CNTN5: variants seen among roughly 807,000 people sequenced by gnomAD.
The protein encoded by CNTN5 is contactin 5, also known as contactin-5.
Under a neutral mutation model 129.1 loss-of-function variants are expected in CNTN5, and 77 were observed. That is an observed-to-expected ratio of 0.60 (90% CI 0.50 to 0.72). The LOEUF (loss-of-function observed/expected upper bound fraction) is 0.72, where lower values mean the gene tolerates loss of function less well. Ranked by LOEUF, CNTN5 falls within the 30% of genes least tolerant of loss-of-function variation. CNTN5 has a pLI of 0.00. For synonymous variants in CNTN5, 509 were observed against 465.6 expected, an observed-to-expected ratio of 1.09 and a Z score of -1.20; for missense variants, 1,478 against 1,328.8, an observed-to-expected ratio of 1.11 and a Z score of -1.75.
At chr11:99,805,634 A>G (rs1307110778) in intron 3 of CNTN5, among the ~76,000 whole-genome samples, 1 of 152,184 alleles carries the variant, frequency 6.6e-6, no homozygotes, top group Non-Finnish European at 1.5e-5. Flanking sequence ...AGGAATGAAC[A>G]CTTTCAATAT....
At chr11:100,283,712 G>A (rs978586430) in intron 18 of CNTN5, among the ~76,000 whole-genome samples, 12 of 152,108 alleles carry the variant, frequency 7.9e-5, no homozygotes, top group Admixed American at 1.3e-4. Flanking sequence ...TTGGGAGGCC[G>A]AGGTGGGTGA....
In CNTN5 at chr11:99,189,473, A is replaced by G. The variant is rs1051931199; in HGVS notation, c.-209-135873A>G. Among the ~76,000 whole-genome samples the G allele has an allele frequency of 2.0e-5, 3 of 151,700 alleles. No homozygotes were observed. In the South Asian group the frequency reaches 6.2e-4, roughly 31 times the overall value. On this transcript the variant is annotated intron_variant, in intron 1 of 24. Coordinates refer to ENST00000524871, the MANE Select transcript of CNTN5 (RefSeq NM_014361.4). Reference sequence around the variant, plus strand: ...GAAGAACCTCTGTGTAGTATTTTATATTGACTGTTCTAATTTAAATTCCTA... The same window carrying G: ...GAAGAACCTCTGTGTAGTATTTTATGTTGACTGTTCTAATTTAAATTCCTA...
chr11:99,295,355 T>C (rs904223346), intron 1 of CNTN5, among the ~76,000 whole-genome samples: 1 of 152,260 alleles, frequency 6.6e-6, no homozygotes, highest in Non-Finnish European at 1.5e-5. Flanking sequence ...CTTTTCTGTT[T>C]AGCCAATTCT....
intron 1 of CNTN5, among the ~76,000 whole-genome samples, chr11:99,166,662 CAT>C (rs1227751563): frequency 1.3e-5 from 2 of 151,854 alleles, no homozygotes; most frequent in African/African-American, 4.8e-5. Context: ...ACTGTCATAA[CAT>C]ATTAAAACTT....
At chr11:99,928,221 C>T (rs963840789) in intron 7 of CNTN5, among the ~76,000 whole-genome samples, 1 of 152,218 alleles carries the variant, frequency 6.6e-6, no homozygotes, top group African/African-American at 2.4e-5. Flanking sequence ...CAGCTGCCTT[C>T]ATGGGCTGGC....
rs189072798 is a variant in CNTN5 at position 100,242,329 on chromosome 11, T to C, written c.2006-13431T>C. 7.5e-4 allele frequency among the ~76,000 whole-genome samples: 115 copies of C among 152,324 alleles called. 2 individuals carry two copies. Among genetic ancestry groups the C allele is most frequent in the African/African-American group, 2.5e-3 (105 of 41,570 alleles). ...CTTCCCCATCCAATTTTCACCACTTTTTTTTCTTCATTGCGTTTGTTACTA... is the reference window on the plus strand; with the variant it reads ...CTTCCCCATCCAATTTTCACCACTTCTTTTTCTTCATTGCGTTTGTTACTA... On this transcript the variant is annotated intron_variant, in intron 16 of 24. Transcript: ENST00000524871.
At chr11:100,325,519 T>C (rs1379420502) in intron 21 of CNTN5, among the ~76,000 whole-genome samples, 2 of 152,202 alleles carry the variant, frequency 1.3e-5, no homozygotes, top group Admixed American at 1.3e-4. Context: ...CTTTGTGCAG[T>C]GACCCAGCCT....
At chr11:99,468,321 C>T (rs1301011048) in intron 2 of CNTN5, among the ~76,000 whole-genome samples, 1 of 152,174 alleles carries the variant, frequency 6.6e-6, no homozygotes, top group East Asian at 1.9e-4. Context: ...GTACTCTGAA[C>T]CAATGGAGTA....
chr11:99,850,417 T>C (rs1947836067), intron 6 of CNTN5, among the ~76,000 whole-genome samples: 1 of 152,136 alleles, frequency 6.6e-6, no homozygotes, highest in Admixed American at 6.5e-5. Flanking sequence ...TTTATTAATA[T>C]CTGGTGATGT....
At chr11:99,404,587 A>G (rs1565554736) in intron 2 of CNTN5, among the ~76,000 whole-genome samples, 1 of 152,098 alleles carries the variant, frequency 6.6e-6, no homozygotes, top group African/African-American at 2.4e-5. Flanking sequence ...TATTTAAGTT[A>G]ATAACAACTT....
intron 13 of CNTN5, among the ~76,000 whole-genome samples, chr11:100,145,053 TTAACTAGA>T (rs1946807752): frequency 6.6e-6 from 1 of 152,134 alleles, no homozygotes; most frequent in Non-Finnish European, 1.5e-5. Flanking sequence ...TCTGTCTTTT[TTAACTAGA>T]TTCAATAGGT....
intron 2 of CNTN5, among the ~76,000 whole-genome samples, chr11:99,466,927 C>T (rs767348606): frequency 9.2e-5 from 14 of 152,106 alleles, no homozygotes; most frequent in Non-Finnish European, 2.1e-4. Flanking sequence ...TAGCCTTACT[C>T]AACTGCAAGG....
At chr11:99,633,639 A>G (rs180704839) in intron 3 of CNTN5, among the ~76,000 whole-genome samples, 41 of 152,346 alleles carry the variant, frequency 2.7e-4, no homozygotes, top group South Asian at 1.2e-3. Flanking sequence ...CAACAGTAAA[A>G]CACCCAGAAA....
At chr11:99,128,167 C>T (rs1263184847) in intron 1 of CNTN5, among the ~76,000 whole-genome samples, 1 of 152,128 alleles carries the variant, frequency 6.6e-6, no homozygotes, top group Non-Finnish European at 1.5e-5. Context: ...GCCCACAGAA[C>T]CCCACAAGCT....
At chr11:99,290,744 A>G (rs1231326389) in intron 1 of CNTN5, among the ~76,000 whole-genome samples, 3 of 151,884 alleles carry the variant, frequency 2.0e-5, no homozygotes, top group African/African-American at 7.2e-5. Context: ...CATCTTTTGT[A>G]TACTACGAAG....
intron 8 of CNTN5, among the ~76,000 whole-genome samples, chr11:99,989,271 A>C (rs1056124872): frequency 5.9e-5 from 9 of 152,084 alleles, no homozygotes; most frequent in Admixed American, 5.9e-4. Context: ...CTATATTTTT[A>C]TTTTGATTTA....
intron 3 of CNTN5, among the ~76,000 whole-genome samples, chr11:99,609,232 G>A (rs1053373643): frequency 1.7e-5 from 2 of 119,076 alleles, no homozygotes; most frequent in African/African-American, 2.8e-5. Context: ...ATGTCTCTTT[G>A]TATTTGATAA....
At chr11:100,327,007 A>G (rs895566205) in intron 21 of CNTN5, among the ~76,000 whole-genome samples, 9 of 152,242 alleles carry the variant, frequency 5.9e-5, no homozygotes, top group African/African-American at 1.9e-4. Flanking sequence ...TAGAGCCTTG[A>G]AGCCATGGTG....
chr11:99,937,417 T>C (rs1950338876), intron 7 of CNTN5, among the ~76,000 whole-genome samples: 1 of 152,186 alleles, frequency 6.6e-6, no homozygotes, highest in Non-Finnish European at 1.5e-5. Flanking sequence ...ACTGGAACCG[T>C]TCTTCCCCTC....
Sources: allele counts gnomAD v4.1 joint callset (sites outside exome capture counted in the v4.1 genomes callset), GRCh38; gene constraint gnomAD v4.1.1; transcripts MANE v1.5; gene names NCBI Gene and HGNC (gene_info 2026-07-23, HGNC 2026-07-21).